Variants in NDST4 observed in about 807,000 individuals in gnomAD.
NDST4 encodes the protein N-heparan sulfate sulfotransferase 4.
NDST4 carries 63 observed loss-of-function variants against 100.8 expected under a neutral mutation model. The observed-to-expected ratio is 0.62, with a 90% CI of 0.51 to 0.77. The LOEUF (loss-of-function observed/expected upper bound fraction) is 0.77, where lower values mean the gene tolerates loss of function less well. Among genes scored for constraint, NDST4 ranks in the 30% least tolerant of loss-of-function variants. The pLI is 0.00. For missense variants in NDST4, 943 were observed against 1,018.4 expected (o/e 0.93, Z 1.01); for synonymous variants, 377 against 361.8 (o/e 1.04, Z -0.48).
At chr4:115,037,453 T>C (rs1009136892) in intron 2 of NDST4, among the ~76,000 whole-genome samples, 22 of 152,130 alleles carry the variant, frequency 1.4e-4, no homozygotes, top group Non-Finnish European at 2.4e-4. Flanking sequence ...CTAAGAAAGA[T>C]ATAATTTTAT....
intron 1 of NDST4, among the ~76,000 whole-genome samples, chr4:115,104,365 T>C (rs1186255726): frequency 6.6e-6 from 1 of 152,112 alleles, no homozygotes; most frequent in Admixed American, 6.6e-5. Context: ...GTGTTTACAT[T>C]GTGTCACTAT....
intron 2 of NDST4, among the ~76,000 whole-genome samples, chr4:115,074,395 T>C (rs1729138304): frequency 6.6e-6 from 1 of 152,144 alleles, no homozygotes; most frequent in South Asian, 2.1e-4. Flanking sequence ...CATGTGAAGA[T>C]AGGAACCAAC....
chr4:114,956,196 C>A lies in NDST4; in HGVS notation c.1221+14234G>T, dbSNP rs918641536. 3.3e-5 allele frequency among the ~76,000 whole-genome samples: 5 copies of A among 152,258 alleles called. No individual in the cohort carries two copies. In the East Asian group the frequency reaches 9.7e-4, roughly 29 times the overall value. On this transcript the variant is annotated intron_variant, in intron 4 of 13. Coordinates refer to ENST00000264363, the MANE Select transcript of NDST4 (RefSeq NM_022569.3). ...GCTACTACCCCAACCCAGGACCCCG[C>A]CTATGAATCTGGGTGTTACTTTGAG...
chr4:115,071,276 T>TCACACACA lies in NDST4; in HGVS notation c.978+4775_978+4782dup, dbSNP rs70964340. On this transcript the variant is annotated intron_variant, in intron 2 of 13. Coordinates refer to ENST00000264363, the MANE Select transcript of NDST4 (RefSeq NM_022569.3). ...ATTTGGTTCAAATGAAAGTATGCCT[T>TCACACACA]CACACACACACACACACACACACAC... Among the ~76,000 whole-genome samples, 184 of 138,268 alleles carry TCACACACA rather than the reference T, an allele frequency of 1.3e-3. 1 individual carries two copies. The highest frequency in any genetic ancestry group is 4.0e-3 in the African/African-American group (149 of 37,262). 90.7% of individuals were successfully genotyped at this position (138,268 alleles called of 152,430 possible).
chr4:114,851,548 A>C (rs76831699), intron 8 of NDST4, among the ~76,000 whole-genome samples: 3,030 of 152,302 alleles, frequency 0.02, 132 homozygotes, highest in South Asian at 0.18. Context: ...ATTTTTTCAC[A>C]GAACTAAAAC....
chr4:115,002,263 C>A (rs1044173309), intron 2 of NDST4, among the ~76,000 whole-genome samples: 15 of 152,200 alleles, frequency 9.9e-5, no homozygotes, highest in African/African-American at 3.1e-4. Context: ...TGATGATGAG[C>A]TTTTTTTCAT....
At chr4:115,090,566 AAAT>A (rs1459936117) in intron 1 of NDST4, among the ~76,000 whole-genome samples, 1 of 152,048 alleles carries the variant, frequency 6.6e-6, no homozygotes, top group Non-Finnish European at 1.5e-5. Flanking sequence ...TAGAATTAGG[AAAT>A]AATAACCTGT....
At chr4:115,027,163 T>C (rs1728004630) in intron 2 of NDST4, among the ~76,000 whole-genome samples, 1 of 152,166 alleles carries the variant, frequency 6.6e-6, no homozygotes, top group South Asian at 2.1e-4. Flanking sequence ...ACGTAAGTTA[T>C]TGTGTGTCGC....
chr4:114,828,700 CTT>C (rs1723132719), intron 13 of NDST4, among the ~76,000 whole-genome samples: 1 of 152,156 alleles, frequency 6.6e-6, no homozygotes, highest in African/African-American at 2.4e-5. Context: ...ATTTCCATCT[CTT>C]TGATAAAATT....
chr4:115,102,910 T>C (rs921402302), intron 1 of NDST4, among the ~76,000 whole-genome samples: 1 of 151,952 alleles, frequency 6.6e-6, no homozygotes, highest in Non-Finnish European at 1.5e-5. Flanking sequence ...GATTTCACCA[T>C]GTTGGCAGGC....
At chr4:115,013,073 G>T (rs1420898721) in intron 2 of NDST4, among the ~76,000 whole-genome samples, 1 of 150,682 alleles carries the variant, frequency 6.6e-6, no homozygotes, top group African/African-American at 2.4e-5. Flanking sequence ...TACTGGGTGG[G>T]GGTAGGGGGA....
At chr4:115,034,087 A>G (rs1235590683) in intron 2 of NDST4, among the ~76,000 whole-genome samples, 3 of 152,262 alleles carry the variant, frequency 2.0e-5, no homozygotes, top group African/African-American at 7.2e-5. Flanking sequence ...CCAGAGGATA[A>G]GGTCCCTAGC....
chr4:115,025,261 CT>C (rs1727958629), intron 2 of NDST4, among the ~76,000 whole-genome samples: 1 of 152,158 alleles, frequency 6.6e-6, no homozygotes, highest in Non-Finnish European at 1.5e-5. Flanking sequence ...TCTGCTTCAT[CT>C]GAGCCTGACT....
chr4:115,026,947 G>A (rs897358351), intron 2 of NDST4, among the ~76,000 whole-genome samples: 1 of 152,094 alleles, frequency 6.6e-6, no homozygotes, highest in Non-Finnish European at 1.5e-5. Context: ...AAAGAAGAAT[G>A]ATGGCTTCTG....
intron 2 of NDST4, among the ~76,000 whole-genome samples, chr4:114,986,197 T>C (rs1454525412): frequency 6.6e-6 from 1 of 152,234 alleles, no homozygotes; most frequent in Non-Finnish European, 1.5e-5. Context: ...TGTGAAGAGT[T>C]TGCATTTTCT....
chr4:114,964,658 A>G (rs547534767), intron 4 of NDST4, among the ~76,000 whole-genome samples: 6 of 152,266 alleles, frequency 3.9e-5, no homozygotes, highest in Non-Finnish European at 8.8e-5. Context: ...TAAGTACACA[A>G]TATTATTATT....
chr4:115,094,519 A>G (rs1486014048), intron 1 of NDST4, among the ~76,000 whole-genome samples: 3 of 152,200 alleles, frequency 2.0e-5, no homozygotes, highest in Non-Finnish European at 2.9e-5. Flanking sequence ...ACATAAACCA[A>G]GCCAGTTATC....
rs57987259 is a variant in NDST4 at position 114,847,375 on chromosome 4, C to CA, written c.1940+839dup. ...TGGGCGACAGAGCGAGACTCCGTCT[C>CA]AAAAAAAAAAAAAAAAAAAAAAAAA... is the stretch of plus-strand genomic sequence containing the variant. On this transcript the variant is annotated intron_variant, in intron 9 of 13. Coordinates refer to ENST00000264363, the MANE Select transcript of NDST4 (RefSeq NM_022569.3). 5.5e-3 allele frequency among the ~76,000 whole-genome samples: 100 copies of CA among 18,238 alleles called. 26 individuals are homozygous for CA. The highest frequency in any genetic ancestry group is 0.026 in the Middle Eastern group (1 of 38). 12.0% of individuals were successfully genotyped at this position (18,238 alleles called of 152,430 possible). A position where few individuals can be genotyped will look rare whatever the true frequency, so the allele number is the denominator to read the frequency against.
At chr4:115,100,002 CCACAGAA>C (rs1373793915) in intron 1 of NDST4, among the ~76,000 whole-genome samples, 3 of 151,952 alleles carry the variant, frequency 2.0e-5, no homozygotes, top group Non-Finnish European at 4.4e-5. Flanking sequence ...ATCTATCAAG[CCACAGAA>C]ATACATGGAT....
Sources: gnomAD v4.1 joint callset for allele counts (sites outside exome capture counted in the v4.1 genomes callset) on GRCh38, gnomAD v4.1.1 for gene constraint, MANE v1.5 for transcripts, NCBI Gene and HGNC (gene_info 2026-07-23, HGNC 2026-07-21) for gene names.